ROS1: variants seen among roughly 807,000 people sequenced by gnomAD.
ROS1 encodes the protein ROS proto-oncogene 1, receptor tyrosine kinase.
A neutral mutation model predicts 273.5 loss-of-function variants in ROS1; 263 were observed. The observed-to-expected ratio is 0.96, with a 90% CI of 0.87 to 1.06. The LOEUF is 1.06. Among genes scored for constraint, ROS1 ranks in the 50% least tolerant of loss-of-function variants. ROS1 has a pLI of 0.00. For missense variants in ROS1, 2,833 were observed against 2,751.1 expected (o/e 1.03, Z -0.67); for synonymous variants, 1,008 against 954.1 (o/e 1.06, Z -1.04).
intron 18 of ROS1, among the ~76,000 whole-genome samples, chr6:117,372,849 G>C (rs928598183): frequency 6.6e-6 from 1 of 152,204 alleles, no homozygotes; most frequent in Admixed American, 6.5e-5. Context: ...GATCCATTCG[G>C]GTTGCCACAG....
At chr6:117,375,332 G>A (rs977487036) in intron 18 of ROS1, among the ~76,000 whole-genome samples, 4 of 152,046 alleles carry the variant, frequency 2.6e-5, no homozygotes, top group Non-Finnish European at 5.9e-5. Flanking sequence ...CTACACACTG[G>A]GTACAGTGTA....
In ROS1 at chr6:117,408,284, G is replaced by C. The variant is rs569920944; in HGVS notation, c.316+1298C>G. Among the ~76,000 whole-genome samples, 175 of 152,084 alleles carry C rather than the reference G, an allele frequency of 1.2e-3. 1 individual carries two copies. The highest frequency in any genetic ancestry group is 1.7e-3 in the Non-Finnish European group (113 of 67,982). On this transcript the variant is annotated intron_variant, in intron 5 of 43. Coordinates refer to ENST00000368507, the MANE Select transcript of ROS1 (RefSeq NM_001378902.1). ...CATCAGACTGAACAGGCAACCTACA[G>C]AATGGGAGAAAATTTTTGCAATCTA...
At chr6:117,291,568 C>A (rs1319572405) in intron 43 of ROS1, among the ~76,000 whole-genome samples, 2 of 152,164 alleles carry the variant, frequency 1.3e-5, no homozygotes, top group African/African-American at 4.8e-5. Flanking sequence ...ACAATGGAGA[C>A]AAACTCTAGC....
chr6:117,334,195 C>T (rs1025370699), intron 32 of ROS1, among the ~76,000 whole-genome samples: 1 of 152,094 alleles, frequency 6.6e-6, no homozygotes, highest in Non-Finnish European at 1.5e-5. Context: ...TTCCTTTACA[C>T]CAACAATAGG....
intron 27 of ROS1, among the ~76,000 whole-genome samples, chr6:117,351,202 T>C (rs1394122430): frequency 2.0e-5 from 3 of 152,200 alleles, no homozygotes; most frequent in Non-Finnish European, 4.4e-5. Context: ...GCTTTGCTTT[T>C]CGACTGTGAA....
Position 117,387,883 on chromosome 6 carries a change from A to C in ROS1, c.1896T>G (p.Pro632=). ...TGTATTTCATAGCACTCTGCAGCTC[A>C]GGTACATTCAGCATGGTTCCACTTA... ...LNISGTMLNV[P]ELQSAMKYKV... Residue 632 remains proline, a synonymous_variant, in exon 14 of 44, where the codon CCT becomes CCG. Coordinates refer to ENST00000368507, the MANE Select transcript of ROS1 (RefSeq NM_001378902.1). 6.2e-7 allele frequency: 1 copy of C among 1,614,074 alleles called. No homozygotes were observed. The highest frequency in any genetic ancestry group is 1.1e-5 in the South Asian group (1 of 91,076).
intron 7 of ROS1, among the ~76,000 whole-genome samples, chr6:117,397,801 A>G (rs1205938539): frequency 6.6e-6 from 1 of 152,214 alleles, no homozygotes; most frequent in African/African-American, 2.4e-5. Flanking sequence ...AGAAAGGACA[A>G]CAAATGATCT....
At chr6:117,311,443 G>A (rs9489121) in intron 39 of ROS1, among the ~76,000 whole-genome samples, 2,127 of 152,178 alleles carry the variant, frequency 0.014, 44 homozygotes, top group East Asian at 0.048. Context: ...GTGTGAACTT[G>A]CTTAAGTTAC....
intron 18 of ROS1, among the ~76,000 whole-genome samples, chr6:117,372,493 A>T (rs1192101380): frequency 6.6e-6 from 1 of 152,194 alleles, no homozygotes; most frequent in Non-Finnish European, 1.5e-5. Context: ...GAAACCACAG[A>T]CCCTCGTGGT....
intron 43 of ROS1, among the ~76,000 whole-genome samples, chr6:117,294,627 A>G (rs1255337651): frequency 6.6e-6 from 1 of 152,160 alleles, no homozygotes; most frequent in Non-Finnish European, 1.5e-5. Context: ...AGGATACAAA[A>G]TTAATGTACA....
At chr6:117,369,486 A>G (rs1259932856) in intron 18 of ROS1, among the ~76,000 whole-genome samples, 1 of 152,048 alleles carries the variant, frequency 6.6e-6, no homozygotes, top group Non-Finnish European at 1.5e-5. Flanking sequence ...AGGCAGGAGA[A>G]TGGCATGAAC....
intron 33 of ROS1, among the ~76,000 whole-genome samples, chr6:117,327,092 T>C (rs536736009): frequency 9.5e-4 from 144 of 152,330 alleles, no homozygotes; most frequent in African/African-American, 3.3e-3. Flanking sequence ...ATTTCAGGTC[T>C]GAAACTTTTC....
intron 7 of ROS1, among the ~76,000 whole-genome samples, chr6:117,398,832 G>A (rs1471238058): frequency 6.6e-6 from 1 of 151,900 alleles, no homozygotes; most frequent in Non-Finnish European, 1.5e-5. Flanking sequence ...AAGTAACCAG[G>A]CATGGTGGCA....
At chr6:117,399,389 A>T (rs1241505869) in intron 7 of ROS1, among the ~76,000 whole-genome samples, 1 of 152,208 alleles carries the variant, frequency 6.6e-6, no homozygotes, top group African/African-American at 2.4e-5. Flanking sequence ...GTTTGGTCTG[A>T]GGCGCTAAGC....
At chr6:117,329,246 G>C (rs1181136988) in intron 33 of ROS1, 83 bp downstream of exon 33, 2 of 694,842 alleles carry the variant, frequency 2.9e-6, no homozygotes, top group Non-Finnish European at 5.0e-6. Flanking sequence ...AAATACATTT[G>C]CATAAATAGT....
intron 10 of ROS1, 29 bp downstream of exon 10, chr6:117,394,587 A>G: frequency 6.7e-7 from 1 of 1,498,516 alleles, no homozygotes; most frequent in African/African-American, 1.4e-5. Flanking sequence ...TTTTCACACT[A>G]AGGAATCATT....
chr6:117,357,740 C>T (rs1229819960), intron 25 of ROS1, 64 bp downstream of exon 25: 5 of 1,122,358 alleles, frequency 4.5e-6, no homozygotes, highest in Non-Finnish European at 5.1e-6. Flanking sequence ...AAACCAAAGA[C>T]ATTACATTAA....
At chr6:117,362,365 T>C (rs1328687829) in intron 22 of ROS1, among the ~76,000 whole-genome samples, 1 of 152,068 alleles carries the variant, frequency 6.6e-6, no homozygotes, top group Non-Finnish European at 1.5e-5. Context: ...TAAAAACGAA[T>C]TCCTGCATAT....
At chr6:117,366,393 T>A in intron 18 of ROS1, 103 bp from the exon 19 acceptor site, 1 of 719,324 alleles carries the variant, frequency 1.4e-6, no homozygotes, top group Non-Finnish European at 2.4e-6. Context: ...TCTGTACGCA[T>A]TTGTGTACAT....
Sources: allele counts gnomAD v4.1 joint callset (sites outside exome capture counted in the v4.1 genomes callset), GRCh38; gene constraint gnomAD v4.1.1; transcripts MANE v1.5; gene names NCBI Gene and HGNC (gene_info 2026-07-23, HGNC 2026-07-21).